The following STIP1 variants were observed in gnomAD, a reference collection of about 807,000 sequenced individuals.
STIP1 encodes the protein stress induced phosphoprotein 1.
STIP1 carries 16 observed loss-of-function variants against 77.4 expected under a neutral mutation model. The observed-to-expected ratio is 0.21, with a 90% CI of 0.14 to 0.31. STIP1 has a LOEUF of 0.31. STIP1 is among the 10% of genes least tolerant of loss of function. The pLI is 1.00. For synonymous variants in STIP1, 258 were observed against 246.6 expected (o/e 1.05, Z -0.44); for missense variants, 524 against 684.8 (o/e 0.77, Z 2.62).
chr11:64,200,475 A>G lies in STIP1; in HGVS notation c.1245+182A>G, dbSNP rs375602030. Among the ~76,000 whole-genome samples, 27 of 152,102 alleles carry G rather than the reference A, an allele frequency of 1.8e-4. No homozygotes were observed. In the South Asian group the frequency reaches 5.0e-3, roughly 28 times the overall value. ...CAGGCTCATGCCTCCACATCCTGCT[A>G]CATTTTTTATTTTTTTTGTAGAGTT... On this transcript the variant is annotated intron_variant, in intron 10 of 13. Coordinates refer to ENST00000305218, the MANE Select transcript of STIP1 (RefSeq NM_006819.3).
At chr11:64,190,110 C>T (rs565181380) in intron 1 of STIP1, among the ~76,000 whole-genome samples, 1 of 152,146 alleles carries the variant, frequency 6.6e-6, no homozygotes, top group South Asian at 2.1e-4. Context: ...AGATGATTCT[C>T]CTGCCTCAGC....
At position 64,197,314 on chromosome 11, in the gene STIP1, A is replaced by C. The variant is rs757982975; in HGVS notation, c.716A>C (p.Lys239Thr). The C allele has an allele frequency of 1.2e-6, 2 of 1,614,000 alleles. No homozygotes were observed. Among genetic ancestry groups the C allele is most frequent in the Non-Finnish European group, 1.7e-6 (2 of 1,180,038 alleles). ...KELGNDAYKKKDFDTALKHYD... is the reference protein window; with the variant it reads ...KELGNDAYKKTDFDTALKHYD... ...CTGGGGAACGATGCCTACAAGAAGA[A>C]AGACTTTGACACAGCCTTGAAGCAT... The change falls in exon 6 of 14, where the codon AAA (lysine) becomes ACA (threonine). Residue 239 changes from lysine to threonine, a missense_variant. Coordinates refer to ENST00000305218, the MANE Select transcript of STIP1 (RefSeq NM_006819.3).
At chr11:64,191,894 T>C (rs1946096943) in intron 1 of STIP1, among the ~76,000 whole-genome samples, 1 of 152,128 alleles carries the variant, frequency 6.6e-6, no homozygotes, top group Non-Finnish European at 1.5e-5. Context: ...ACACCTCACT[T>C]GCCAGACGGT....
chr11:64,201,095 A>G (rs1015136181), intron 10 of STIP1, among the ~76,000 whole-genome samples: 8 of 150,202 alleles, frequency 5.3e-5, no homozygotes, highest in African/African-American at 2.0e-4. Context: ...GCTGGAGTAC[A>G]GTGGCACAAT....
rs748223158 is a variant in STIP1 at position 64,204,138 on chromosome 11, T to TC, written c.*18dup. On this transcript the variant is annotated 3_prime_UTR_variant, in exon 14 of 14. Transcript: ENST00000305218. ...TTGCAATTCGGTGATGACTTGTTCA[T>TC]CCCCCCTTCCCTTCGCCCTCATGTG... is the stretch of plus-strand genomic sequence containing the variant. 6.2e-7 allele frequency: 1 copy of TC among 1,613,870 alleles called. No homozygotes were observed. The highest frequency in any genetic ancestry group is 8.5e-7 in the Non-Finnish European group (1 of 1,179,948).
At chr11:64,195,547 A>T (rs1946139633) in intron 4 of STIP1, 98 bp from the exon 5 acceptor site, 6 of 1,282,362 alleles carry the variant, frequency 4.7e-6, no homozygotes, top group Non-Finnish European at 6.4e-6. Flanking sequence ...GGAGCTTCTA[A>T]ACACAAGAAT....
intron 8 of STIP1, among the ~76,000 whole-genome samples, chr11:64,198,741 T>G (rs539063231): frequency 1.8e-3 from 263 of 145,902 alleles, no homozygotes; most frequent in Non-Finnish European, 2.9e-3. Flanking sequence ...TGATCTGGTG[T>G]TTTTTTTTGT....
intron 2 of STIP1, chr11:64,193,561 A>G: frequency 2.3e-6 from 1 of 430,274 alleles, no homozygotes; most frequent in South Asian, 2.2e-5. Flanking sequence ...AGGTGGGCGG[A>G]TCACTTGAGG....
At position 64,203,431 on chromosome 11, in the gene STIP1, T is replaced by C; in HGVS notation, c.1387-19T>C. ...GGGTGGTCCTAACACGCTTCACCTTTGTCTCTTCTGGACTGCAGGAGGCGG... is the reference window on the plus strand; with the variant it reads ...GGGTGGTCCTAACACGCTTCACCTTCGTCTCTTCTGGACTGCAGGAGGCGG... On this transcript the variant is annotated intron_variant, in intron 12 of 13. Transcript: ENST00000305218. 6.2e-7 allele frequency: 1 copy of C among 1,613,844 alleles called. No homozygotes were observed.
In STIP1 at chr11:64,199,991, C is replaced by T; in HGVS notation, c.1075C>T (p.Leu359=). The change falls in exon 9 of 14, where the codon CTG becomes TTG. Residue 359 remains leucine (L), a synonymous_variant. Transcript: ENST00000305218. The part of the protein sequence containing the change: ...QERLAYINPD[L]ALEEKNKGNE... ...GCGGCTGGCCTACATAAACCCCGAC[C>T]TGGCTTTGGAGGAGAAGAACAAAGG... 1 of 1,614,150 alleles carries T rather than the reference C, an allele frequency of 6.2e-7. No individual in the cohort carries two copies. The highest frequency in any genetic ancestry group is 1.3e-5 in the African/African-American group (1 of 75,030).
intron 1 of STIP1, among the ~76,000 whole-genome samples, chr11:64,188,562 G>A (rs1006258997): frequency 6.6e-6 from 1 of 152,064 alleles, no homozygotes; most frequent in Non-Finnish European, 1.5e-5. Flanking sequence ...ATTTTTTGTA[G>A]AGACGGGGCT....
At chr11:64,186,344 CGGGG>C (rs1946016692) in intron 1 of STIP1, 74 bp downstream of exon 1, 1 of 53,578 alleles carries the variant, frequency 1.9e-5, no homozygotes, top group Non-Finnish European at 3.5e-5. Context: ...GGTAGGGGGG[CGGGG>C]CGGGCGCCGG....
At position 64,202,864 on chromosome 11, in the gene STIP1, G is replaced by C; in HGVS notation, c.1246-12G>C. 2 of 1,614,146 alleles carry C rather than the reference G, an allele frequency of 1.2e-6. No individual in the cohort carries two copies. Among genetic ancestry groups the C allele is most frequent in the Non-Finnish European group, 1.7e-6 (2 of 1,180,028 alleles). On this transcript the variant is annotated splice_polypyrimidine_tract_variant and intron_variant, in intron 10 of 13. Transcript: ENST00000305218. ...GGAATGAGCCTAATTTCTTTCTGTT[G>C]CTTCATTCTAGGACTGTGAGGAATG...
At position 64,199,983 on chromosome 11, in the gene STIP1, A is replaced by G; in HGVS notation, c.1067A>G (p.Asn356Ser). The change falls in exon 9 of 14, where the codon AAC becomes AGC. Residue 356 changes from asparagine (N) to serine (S), a missense_variant. Transcript: ENST00000305218. ...LKEQERLAYI[N>S]PDLALEEKNK... ...GAGCAAGAGCGGCTGGCCTACATAAACCCCGACCTGGCTTTGGAGGAGAAG... is the reference window on the plus strand; with the variant it reads ...GAGCAAGAGCGGCTGGCCTACATAAGCCCCGACCTGGCTTTGGAGGAGAAG... The G allele has an allele frequency of 1.2e-6, 2 of 1,614,088 alleles. No homozygotes were observed. Among genetic ancestry groups the G allele is most frequent in the Admixed American group, 3.3e-5 (2 of 59,994 alleles).
Position 64,204,104 on chromosome 11 carries a change from T to C in STIP1, c.1610T>C (p.Val537Ala). 6.2e-7 allele frequency: 1 copy of C among 1,614,246 alleles called. No individual in the cohort carries two copies. ...CAGAAGATCCAGAAGCTGATGGATG[T>C]GGGTCTGATTGCAATTCGGTGATGA... Reference protein sequence around the residue: ...IAQKIQKLMDVGLIAIR With the variant: ...IAQKIQKLMDAGLIAIR Residue 537 changes from valine (V) to alanine (A), a missense_variant, in exon 14 of 14, where the codon GTG becomes GCG. Val to Ala is a moderately conservative substitution (Grantham distance 64). Coordinates refer to ENST00000305218, the MANE Select transcript of STIP1 (RefSeq NM_006819.3).
chr11:64,197,347 A>C lies in STIP1; in HGVS notation c.749A>C (p.Lys250Thr). 2 of 1,614,046 alleles carry C rather than the reference A, an allele frequency of 1.2e-6. No individual in the cohort carries two copies. The highest frequency in any genetic ancestry group is 1.7e-5 in the Admixed American group (1 of 59,964). Reference sequence around the variant, plus strand: ...GACACAGCCTTGAAGCATTACGACAAAGCCAAGGAGCTGGACCCCACTAAC... The same window carrying C: ...GACACAGCCTTGAAGCATTACGACACAGCCAAGGAGCTGGACCCCACTAAC... Reference protein sequence around the residue: ...DFDTALKHYDKAKELDPTNMT... With the variant: ...DFDTALKHYDTAKELDPTNMT... Residue 250 changes from lysine (K) to threonine (T), a missense_variant, in exon 6 of 14, where the codon AAA becomes ACA. Transcript: ENST00000305218.
chr11:64,186,060 G>A (rs1946010303), upstream of STIP1: 1 of 1,547,060 alleles, frequency 6.5e-7, no homozygotes, highest in Admixed American at 2.0e-5. Flanking sequence ...TGAGAAGGAA[G>A]TGGAGATGAT....
Position 64,197,593 on chromosome 11 carries a change from C to T in STIP1, c.900C>T (p.Ala300=). Residue 300 remains alanine (A), a splice_region_variant and synonymous_variant, in exon 7 of 14, where the codon GCC becomes GCT. Transcript: ENST00000305218. The stretch of plus-strand genomic sequence containing the variant: ...ACCGAGAAGACTATCGACAGATTGC[C>T]AAGTAGGCTCAACCTTCCAGAATAC... ...RENREDYRQI[A]KAYARIGNSY... The T allele has an allele frequency of 6.2e-7, 1 of 1,614,032 alleles. No individual in the cohort carries two copies. Among genetic ancestry groups the T allele is most frequent in the Non-Finnish European group, 8.5e-7 (1 of 1,179,958 alleles).
In STIP1 at chr11:64,201,457, C is replaced by G. The variant is rs531848756; in HGVS notation, c.1245+1164C>G. 3.9e-5 allele frequency among the ~76,000 whole-genome samples: 6 copies of G among 152,272 alleles called. 1 individual carries two copies. Among genetic ancestry groups the G allele is most frequent in the Admixed American group, 1.3e-4 (2 of 15,288 alleles). On this transcript the variant is annotated intron_variant, in intron 10 of 13. Transcript: ENST00000305218. The stretch of plus-strand genomic sequence containing the variant: ...TGTTCTCAGTCATATCAAGTTAGGT[C>G]AAATACAATTGTTTGACACTGTGGA...
Sources: allele counts gnomAD v4.1 joint callset (sites outside exome capture counted in the v4.1 genomes callset), GRCh38; gene constraint gnomAD v4.1.1; transcripts MANE v1.5; gene names NCBI Gene and HGNC (gene_info 2026-07-23, HGNC 2026-07-21).